Variants in RPS6KA3 observed in about 807,000 individuals in gnomAD.
RPS6KA3 encodes ribosomal protein S6 kinase alpha-3.
A neutral mutation model predicts 67.2 loss-of-function variants in RPS6KA3; 4 were observed. The ratio of observed to expected loss-of-function variants is 0.06; its 90% CI spans 0.03 to 0.14. The LOEUF is 0.14. Ranked by LOEUF, RPS6KA3 falls within the 10% of genes least tolerant of loss-of-function variation. The pLI, the probability that RPS6KA3 is intolerant of heterozygous loss-of-function variation, is 1.00. For synonymous variants in RPS6KA3, 182 were observed against 183.7 expected (o/e 0.99, Z 0.07); for missense variants, 204 against 559.0 (o/e 0.36, Z 6.40).
chrX:20,261,393 A>G (rs1269270897), intron 1 of RPS6KA3, among the ~76,000 whole-genome samples: 2 of 112,412 alleles, frequency 1.8e-5, no homozygotes, highest in African/African-American at 3.2e-5. Context: ...ATGGAACAAA[A>G]TATCACATGA....
At chrX:20,174,399 G>T (rs2067647933) in intron 14 of RPS6KA3, among the ~76,000 whole-genome samples, 1 of 105,019 alleles carries the variant, frequency 9.5e-6, no homozygotes, top group South Asian at 4.5e-4. Flanking sequence ...GCCCAGGCTG[G>T]AGTACAGTGG....
chrX:20,260,480 C>T (rs2070194798), intron 1 of RPS6KA3, among the ~76,000 whole-genome samples: 1 of 111,236 alleles, frequency 9.0e-6, no homozygotes, highest in African/African-American at 3.3e-5. Context: ...CCTTTAAAGA[C>T]AATACTGAGG....
At position 20,194,234 on chromosome X, in the gene RPS6KA3, C is replaced by A; in HGVS notation, c.441G>T (p.Leu147Phe). The change falls in exon 6 of 22, where the codon TTG (leucine) becomes TTT (phenylalanine). Residue 147 changes from leucine (L) to phenylalanine (F), a missense_variant. Leu to Phe is a conservative substitution (Grantham distance 22). Around this residue, in one of 4 missense-constraint regions of RPS6KA3, gnomAD observed 76 missense variants for 250.3 expected, o/e 0.30. Transcript: ENST00000379565. ...ACAAATCTCCTCCCCTGAGAAAATC[C>A]AAAATAAGATACAACTTCCCTTCAG... is the stretch of plus-strand genomic sequence containing the variant. ...FQTEGKLYLI[L>F]DFLRGGDLFT... 1 of 1,191,337 alleles carries A rather than the reference C, an allele frequency of 8.4e-7. No homozygotes were observed. The highest frequency in any genetic ancestry group is 1.1e-6 in the Non-Finnish European group (1 of 877,810).
intron 1 of RPS6KA3, among the ~76,000 whole-genome samples, chrX:20,240,838 A>T (rs375689671): frequency 1.8e-5 from 2 of 110,969 alleles, no homozygotes; most frequent in East Asian, 5.6e-4. Flanking sequence ...AAGGATACAA[A>T]ACTATATAGT....
intron 4 of RPS6KA3, 104 bp from the exon 5 acceptor site, chrX:20,195,249 A>G: frequency 2.0e-6 from 1 of 498,777 alleles, no homozygotes; most frequent in Non-Finnish European, 3.5e-6. Context: ...GCTTATGTGT[A>G]TTAAAATGTG....
At chrX:20,231,573 T>A (rs781183117) in intron 2 of RPS6KA3, among the ~76,000 whole-genome samples, 2 of 112,020 alleles carry the variant, frequency 1.8e-5, no homozygotes, top group Non-Finnish European at 3.8e-5. Flanking sequence ...TGAAAAAGTA[T>A]GTAAAGTCAA....
chrX:20,225,255 G>GTTTT (rs1171338918), intron 2 of RPS6KA3, among the ~76,000 whole-genome samples: 1 of 69,692 alleles, frequency 1.4e-5, no homozygotes, highest in African/African-American at 5.0e-5. Flanking sequence ...TTTTTTTTTT[G>GTTTT]TTTTTTTTTT....
chrX:20,178,489 T>G (rs1250997308), intron 10 of RPS6KA3, among the ~76,000 whole-genome samples: 12 of 107,003 alleles, frequency 1.1e-4, no homozygotes, highest in African/African-American at 2.7e-4. Flanking sequence ...CAGTTTTTTT[T>G]TTTTTTTTTT....
chrX:20,176,063 G>A (rs758545379), intron 13 of RPS6KA3, among the ~76,000 whole-genome samples, 187 bp downstream of exon 13: 25 of 110,871 alleles, frequency 2.3e-4, no homozygotes, highest in African/African-American at 7.2e-4. Context: ...TAGAGACAGC[G>A]TTTCACTATG....
intron 2 of RPS6KA3, 108 bp downstream of exon 2, chrX:20,234,650 G>A (rs947963599): frequency 1.0e-5 from 6 of 582,991 alleles, no homozygotes; most frequent in African/African-American, 4.5e-5. Flanking sequence ...TGAAAGGATC[G>A]ACAAGTTTCT....
chrX:20,192,592 CTTTTTTTTT>C (rs1159974637), intron 7 of RPS6KA3, among the ~76,000 whole-genome samples: 1 of 45,414 alleles, frequency 2.2e-5, no homozygotes, highest in African/African-American at 1.2e-4. Flanking sequence ...TGTAAATTTT[CTTTTTTTTT>C]TTTTTTTTTT....
In RPS6KA3 at chrX:20,164,334, TCAGGTAGGGAATACCGGAG is replaced by T. The variant is rs1196700517; in HGVS notation, c.1764+546_1764+564del. 2.8e-4 allele frequency among the ~76,000 whole-genome samples: 31 copies of T among 109,067 alleles called. No homozygotes were observed. In the East Asian group the frequency reaches 5.7e-3, roughly 20 times the overall value. 94.7% of individuals were successfully genotyped at this position (109,067 alleles called of 115,157 possible). A position where few individuals can be genotyped will look rare whatever the true frequency, so the allele number is the denominator to read the frequency against. ...CCAGAAGTCCAGTGTGTCTAGAACTTCAGGTAGGGAATACCGGAGCAGGTAGGGAATACCAGAGAGACTG... is the reference window on the plus strand; with the variant it reads ...CCAGAAGTCCAGTGTGTCTAGAACTTCAGGTAGGGAATACCAGAGAGACTG... On this transcript the variant is annotated intron_variant, in intron 18 of 21. Coordinates refer to ENST00000379565, the MANE Select transcript of RPS6KA3 (RefSeq NM_004586.3).
At chrX:20,197,178 T>A (rs1266925594) in intron 4 of RPS6KA3, among the ~76,000 whole-genome samples, 1 of 112,727 alleles carries the variant, frequency 8.9e-6, no homozygotes, top group Non-Finnish European at 1.9e-5. Flanking sequence ...GTGAAGTTCA[T>A]CACCAATACC....
At chrX:20,252,217 T>C (rs1027867995) in intron 1 of RPS6KA3, among the ~76,000 whole-genome samples, 3 of 111,964 alleles carry the variant, frequency 2.7e-5, no homozygotes, top group Non-Finnish European at 5.6e-5. Flanking sequence ...GTGTTTGTGA[T>C]TGCTCACTGA....
chrX:20,216,755 T>C (rs767206609), intron 2 of RPS6KA3, among the ~76,000 whole-genome samples: 3 of 109,725 alleles, frequency 2.7e-5, no homozygotes, highest in Non-Finnish European at 5.7e-5. Context: ...GACACTAGAG[T>C]TTAAATCAGA....
intron 20 of RPS6KA3, among the ~76,000 whole-genome samples, chrX:20,157,517 A>G: frequency 9.1e-6 from 1 of 109,627 alleles, no homozygotes; most frequent in East Asian, 2.8e-4. Context: ...AAAAAAAAAA[A>G]AAGACAAAAT....
chrX:20,256,458 T>C (rs1603432779), intron 1 of RPS6KA3, among the ~76,000 whole-genome samples: 1 of 111,547 alleles, frequency 9.0e-6, no homozygotes, highest in Admixed American at 9.5e-5. Flanking sequence ...TACTCATGCA[T>C]ACACCTAGAG....
chrX:20,185,268 T>C lies in RPS6KA3; in HGVS notation c.845+1028A>G, dbSNP rs759278654. Among the ~76,000 whole-genome samples, 6 of 112,519 alleles carry C rather than the reference T, an allele frequency of 5.3e-5. No homozygotes were observed. The South Asian group carries it at 2.2e-3, about 41-fold the overall frequency. ...GGATAAAAATTCCATTTTCTATTCCTAGTATAGAGACATGGAATAGATTTT... is the reference window on the plus strand; with the variant it reads ...GGATAAAAATTCCATTTTCTATTCCCAGTATAGAGACATGGAATAGATTTT... On this transcript the variant is annotated intron_variant, in intron 10 of 21. Transcript: ENST00000379565.
intron 1 of RPS6KA3, chrX:20,241,517 C>T (rs1179885957): frequency 9.7e-6 from 1 of 103,014 alleles, no homozygotes; most frequent in East Asian, 3.1e-4. Context: ...AACAGATGTT[C>T]CTAAAGAAAA....
Sources: gnomAD v4.1 joint callset for allele counts (sites outside exome capture counted in the v4.1 genomes callset) on GRCh38, gnomAD v4.1.1 for gene constraint, gnomAD v4.1.1 regional missense constraint, MANE v1.5 for transcripts, NCBI Gene and HGNC (gene_info 2026-07-23, HGNC 2026-07-21) for gene names.